The following CLVS1 variants were observed in gnomAD, a reference collection of about 807,000 sequenced individuals.
The protein encoded by CLVS1 is clavesin 1.
CLVS1 carries 10 observed loss-of-function variants against 33.1 expected under a neutral mutation model. The observed-to-expected ratio is 0.30, with a 90% CI of 0.19 to 0.51. CLVS1 has a LOEUF of 0.51. Among genes scored for constraint, CLVS1 ranks in the 20% least tolerant of loss-of-function variants. The probability of loss-of-function intolerance (pLI) is 0.97; values close to 1 mark genes in which losing one functional copy is unlikely to be tolerated. For missense variants in CLVS1, 343 were observed against 433.4 expected (o/e 0.79, Z 1.85); for synonymous variants, 163 against 166.1 (o/e 0.98, Z 0.14).
At chr8:60,999,320 G>A in the CLVS1 span, among the ~76,000 whole-genome samples, 1 of 152,196 alleles carries the variant, frequency 6.6e-6, no homozygotes, top group African/African-American at 2.4e-5. Flanking sequence ...AGAGGCCTGG[G>A]GAGAGGTGTG....
At chr8:61,219,361 A>C (rs1248300111) in intron 2 of CLVS1, among the ~76,000 whole-genome samples, 1 of 152,024 alleles carries the variant, frequency 6.6e-6, no homozygotes, top group Non-Finnish European at 1.5e-5. Flanking sequence ...GTGAGTTCTC[A>C]TTGTTCAACT....
chr8:61,194,613 A>T (rs1018078520), intron 2 of CLVS1, among the ~76,000 whole-genome samples: 1 of 151,960 alleles, frequency 6.6e-6, no homozygotes, highest in Non-Finnish European at 1.5e-5. Flanking sequence ...ATGATGGGAA[A>T]TTTTAACATA....
chr8:61,446,778 T>C (rs898343129), intron 3 of CLVS1, among the ~76,000 whole-genome samples: 2 of 152,118 alleles, frequency 1.3e-5, no homozygotes, highest in Non-Finnish European at 2.9e-5. Flanking sequence ...ACCATAGTGC[T>C]TTACTTTCAT....
intron 2 of CLVS1, among the ~76,000 whole-genome samples, chr8:61,313,971 C>G (rs774659240): frequency 6.6e-6 from 1 of 152,082 alleles, no homozygotes; most frequent in African/African-American, 2.4e-5. Flanking sequence ...ACTTGAGCTC[C>G]GGGTGCCAAC....
At chr8:61,050,111 CT>C in the CLVS1 span, among the ~76,000 whole-genome samples, 1 of 152,356 alleles carries the variant, frequency 6.6e-6, no homozygotes, top group South Asian at 2.1e-4. Flanking sequence ...TTTAAGCACC[CT>C]TTTACAGCCT....
intron 5 of CLVS1, among the ~76,000 whole-genome samples, chr8:61,496,138 C>G (rs965364933): frequency 6.6e-6 from 1 of 152,234 alleles, no homozygotes; most frequent in African/African-American, 2.4e-5. Flanking sequence ...CAACTCCTTA[C>G]TGAAGATTTC....
At chr8:61,478,442 G>A (rs1336712817) in intron 5 of CLVS1, among the ~76,000 whole-genome samples, 1 of 152,148 alleles carries the variant, frequency 6.6e-6, no homozygotes, top group East Asian at 1.9e-4. Context: ...TTATTATTGT[G>A]TGGGAGTCTA....
intron 1 of CLVS1, among the ~76,000 whole-genome samples, chr8:61,105,919 C>G (rs1805528576): frequency 6.6e-6 from 1 of 152,162 alleles, no homozygotes; most frequent in African/African-American, 2.4e-5. Context: ...TGTTCTCCCG[C>G]TCATGCCCGC....
chr8:61,190,846 G>A (rs1807456452), intron 2 of CLVS1, among the ~76,000 whole-genome samples: 1 of 152,154 alleles, frequency 6.6e-6, no homozygotes, highest in Non-Finnish European at 1.5e-5. Context: ...TCCCTGCATA[G>A]ACCAGTAACA....
intron 2 of CLVS1, among the ~76,000 whole-genome samples, chr8:61,161,021 C>A (rs576435733): frequency 1.3e-5 from 2 of 151,908 alleles, no homozygotes; most frequent in African/African-American, 4.8e-5. Context: ...GACCAAGGAG[C>A]GGAATAGGCA....
chr8:61,480,884 C>G (rs1818167367), intron 5 of CLVS1, among the ~76,000 whole-genome samples: 1 of 152,100 alleles, frequency 6.6e-6, no homozygotes, highest in Admixed American at 6.5e-5. Context: ...AATGAGTTTA[C>G]AGTGACCTCT....
chr8:61,457,240 G>T (rs910017881), intron 4 of CLVS1, among the ~76,000 whole-genome samples: 1 of 152,040 alleles, frequency 6.6e-6, no homozygotes, highest in Admixed American at 6.5e-5. Context: ...CGTGGCCCAC[G>T]TTTATATTTC....
chr8:61,254,024 C>T (rs893016281), intron 2 of CLVS1, among the ~76,000 whole-genome samples: 7 of 152,148 alleles, frequency 4.6e-5, no homozygotes, highest in Admixed American at 3.3e-4. Flanking sequence ...AGTTTTTCTG[C>T]TTTGTTTTTT....
chr8:61,418,877 G>A (rs1191443503), intron 3 of CLVS1, among the ~76,000 whole-genome samples: 1 of 152,186 alleles, frequency 6.6e-6, no homozygotes, highest in South Asian at 2.1e-4. Flanking sequence ...ACATATGCCT[G>A]CCCTGGATGG....
chr8:61,244,498 T>C (rs763161918), intron 2 of CLVS1, among the ~76,000 whole-genome samples: 1 of 152,208 alleles, frequency 6.6e-6, no homozygotes, highest in Non-Finnish European at 1.5e-5. Flanking sequence ...AGTCAAGTTT[T>C]AATGTTGTTC....
chr8:61,345,948 C>T (rs1812206499), intron 2 of CLVS1, among the ~76,000 whole-genome samples: 1 of 152,048 alleles, frequency 6.6e-6, no homozygotes, highest in South Asian at 2.1e-4. Context: ...AAGAGTGATG[C>T]TGCTGCACCA....
chr8:61,275,576 A>G (rs540435772), intron 2 of CLVS1, among the ~76,000 whole-genome samples: 10 of 152,354 alleles, frequency 6.6e-5, no homozygotes, highest in African/African-American at 2.4e-4. Context: ...GTTGGAAGGA[A>G]TAGTAAAAAG....
chr8:61,241,681 T>G (rs1334193934), intron 2 of CLVS1, among the ~76,000 whole-genome samples: 3 of 152,240 alleles, frequency 2.0e-5, no homozygotes, highest in African/African-American at 7.2e-5. Flanking sequence ...TGTTGAAATT[T>G]TTGCTTTAAA....
chr8:61,066,538 C>T (rs925300943), intron 1 of CLVS1, among the ~76,000 whole-genome samples: 2 of 152,130 alleles, frequency 1.3e-5, no homozygotes, highest in African/African-American at 4.8e-5. Context: ...AGATTGATGG[C>T]TATAAAATGG....
Sources: allele counts gnomAD v4.1 joint callset (sites outside exome capture counted in the v4.1 genomes callset), GRCh38; gene constraint gnomAD v4.1.1; transcripts MANE v1.5; gene names NCBI Gene and HGNC (gene_info 2026-07-23, HGNC 2026-07-21).